STAC: variants seen among roughly 807,000 people sequenced by gnomAD.
STAC encodes SH3 and cysteine rich domain.
Under a neutral mutation model 48.8 loss-of-function variants are expected in STAC, and 43 were observed. The ratio of observed to expected loss-of-function variants is 0.88; its 90% CI spans 0.69 to 1.14. STAC has a LOEUF of 1.14. STAC is among the 50% of genes most tolerant of loss of function. STAC has a pLI of 0.00. For synonymous variants in STAC, 193 were observed against 179.5 expected, an observed-to-expected ratio of 1.07 and a Z score of -0.60; for missense variants, 497 against 504.0, an observed-to-expected ratio of 0.99 and a Z score of 0.13.
At chr3:36,468,297 G>A (rs555529751) in intron 2 of STAC, among the ~76,000 whole-genome samples, 10 of 152,072 alleles carry the variant, frequency 6.6e-5, no homozygotes, top group African/African-American at 2.4e-4. Context: ...AATTTACTGA[G>A]ACTTGTTTTG....
At chr3:36,529,206 T>C in intron 10 of STAC, 1 of 342,372 alleles carries the variant, frequency 2.9e-6, no homozygotes. Context: ...AAACGAAACG[T>C]GATAGTGGCA....
chr3:36,458,920 G>A (rs1696925462), intron 2 of STAC, among the ~76,000 whole-genome samples: 1 of 152,164 alleles, frequency 6.6e-6, no homozygotes, highest in Admixed American at 6.5e-5. Flanking sequence ...TAGTGGATCT[G>A]GTTAGGCCCT....
intron 2 of STAC, among the ~76,000 whole-genome samples, chr3:36,449,160 AGAG>A (rs1364461022): frequency 2.0e-5 from 3 of 152,114 alleles, no homozygotes; most frequent in African/African-American, 7.2e-5. Context: ...TCTGTGGATT[AGAG>A]GAGGGGATAA....
At chr3:36,531,557 C>T (rs1323483644) in intron 10 of STAC, among the ~76,000 whole-genome samples, 1 of 152,126 alleles carries the variant, frequency 6.6e-6, no homozygotes, top group African/African-American at 2.4e-5. Flanking sequence ...AGACAGAGTA[C>T]CAGATGTGAT....
intron 6 of STAC, among the ~76,000 whole-genome samples, chr3:36,494,738 T>C (rs1698093293): frequency 6.6e-6 from 1 of 152,160 alleles, no homozygotes; most frequent in Non-Finnish European, 1.5e-5. Context: ...TTTTAGATAA[T>C]GCAAACAACC....
chr3:36,408,753 A>C (rs1000797312), intron 1 of STAC, among the ~76,000 whole-genome samples: 2 of 152,194 alleles, frequency 1.3e-5, no homozygotes, highest in Non-Finnish European at 2.9e-5. Context: ...AAAAGAATGG[A>C]GAGAACCTGA....
rs538668016 is a variant in STAC at position 36,485,855 on chromosome 3, C to T, written c.572-279C>T. 24 of 272,610 alleles carry T rather than the reference C, an allele frequency of 8.8e-5. No homozygotes were observed. In the South Asian group the frequency reaches 1.3e-3, roughly 15 times the overall value. 16.9% of individuals were successfully genotyped at this position (272,610 alleles called of 1,614,324 possible). ...GAGATAAAGCTGATCCCTGCAAGAA[C>T]CTGGAAATCAGAGAGGAATAACGAA... On this transcript the variant is annotated intron_variant, in intron 4 of 10. Coordinates refer to ENST00000273183, the MANE Select transcript of STAC (RefSeq NM_003149.3).
intron 2 of STAC, among the ~76,000 whole-genome samples, chr3:36,462,689 T>C (rs560953455): frequency 3.3e-4 from 50 of 152,288 alleles, no homozygotes; most frequent in African/African-American, 1.2e-3. Flanking sequence ...TTGTCAAATG[T>C]TGTTGATAGC....
intron 1 of STAC, among the ~76,000 whole-genome samples, chr3:36,398,371 A>AAAG (rs1699911321): frequency 1.5e-5 from 2 of 131,414 alleles, no homozygotes; most frequent in South Asian, 2.6e-4. Context: ...AAGAAAGAAA[A>AAAG]GAAAGAGAGA....
intron 1 of STAC, among the ~76,000 whole-genome samples, chr3:36,392,424 C>A (rs903758581): frequency 2.1e-4 from 32 of 152,160 alleles, no homozygotes; most frequent in Non-Finnish European, 7.3e-5. Context: ...ACTGCAGCCT[C>A]AGCCTCCCAG....
intron 1 of STAC, among the ~76,000 whole-genome samples, chr3:36,426,546 T>C (rs1700568377): frequency 6.6e-6 from 1 of 152,256 alleles, no homozygotes; most frequent in African/African-American, 2.4e-5. Context: ...ATTCTGCATA[T>C]AAATTGTTGT....
intron 8 of STAC, among the ~76,000 whole-genome samples, chr3:36,514,700 G>A (rs991041751): frequency 6.6e-6 from 1 of 152,094 alleles, no homozygotes; most frequent in Non-Finnish European, 1.5e-5. Flanking sequence ...GCTATGCCTG[G>A]CATATACACT....
chr3:36,447,624 G>A (rs1696544725), intron 2 of STAC, among the ~76,000 whole-genome samples: 1 of 148,994 alleles, frequency 6.7e-6, no homozygotes. Flanking sequence ...ACCTTGAATG[G>A]AAAAACTATA....
rs140663149 is a variant in STAC at position 36,528,713 on chromosome 3, C to T, written c.938C>T (p.Thr313Ile). ...DLEMRPGDII[T>I]LLEDSNEDWW... ...CATTTTAGGCCAGGAGACATAATTA[C>T]TCTTTTAGAGGATTCCAATGAAGAC... is the stretch of plus-strand genomic sequence containing the variant. Residue 313 changes from threonine to isoleucine, a missense_variant, in exon 9 of 11, where the codon ACT becomes ATT. By Grantham distance (89) the Thr-to-Ile change is moderately conservative. Coordinates refer to ENST00000273183, the MANE Select transcript of STAC (RefSeq NM_003149.3). The T allele has an allele frequency of 3.1e-6, 5 of 1,602,360 alleles. No homozygotes were observed. The East Asian group carries it at 9.0e-5, about 29-fold the overall frequency.
intron 8 of STAC, among the ~76,000 whole-genome samples, chr3:36,527,096 C>T (rs990394798): frequency 4.6e-5 from 7 of 152,146 alleles, no homozygotes; most frequent in South Asian, 2.1e-4. Context: ...TATAGAATAG[C>T]GGAGAAGCCT....
At chr3:36,386,355 G>A (rs1465541785) in intron 1 of STAC, among the ~76,000 whole-genome samples, 1 of 150,688 alleles carries the variant, frequency 6.6e-6, no homozygotes, top group Non-Finnish European at 1.5e-5. Flanking sequence ...TCATATTCTG[G>A]ATATGAGAAC....
chr3:36,487,000 G>A (rs955530641), intron 5 of STAC, among the ~76,000 whole-genome samples: 3 of 152,188 alleles, frequency 2.0e-5, no homozygotes, highest in African/African-American at 7.2e-5. Context: ...CATTTCCATT[G>A]TTGCAGCCCC....
chr3:36,532,834 T>C (rs1324236893), intron 10 of STAC, among the ~76,000 whole-genome samples: 3 of 152,192 alleles, frequency 2.0e-5, no homozygotes, highest in Non-Finnish European at 2.9e-5. Flanking sequence ...GTCTTAAACA[T>C]TGTCACAATA....
intron 8 of STAC, among the ~76,000 whole-genome samples, chr3:36,522,174 A>AT (rs780751074): frequency 2.0e-5 from 3 of 152,230 alleles, no homozygotes; most frequent in Non-Finnish European, 4.4e-5. Flanking sequence ...TATAAATATA[A>AT]TTGAGATAGC....
Sources: gnomAD v4.1 joint callset for allele counts (sites outside exome capture counted in the v4.1 genomes callset) on GRCh38, gnomAD v4.1.1 for gene constraint, MANE v1.5 for transcripts, NCBI Gene and HGNC (gene_info 2026-07-23, HGNC 2026-07-21) for gene names.